The following SHISA8 variants were observed in gnomAD, a reference collection of about 807,000 sequenced individuals.
SHISA8 encodes protein shisa-8.
Under a neutral mutation model 21.1 loss-of-function variants are expected in SHISA8, and 21 were observed. That is an observed-to-expected ratio of 0.99 (90% CI 0.71 to 1.43). The LOEUF is 1.43. SHISA8 is among the 40% of genes most tolerant of loss of function. The probability of loss-of-function intolerance (pLI) is 0.00; values close to 1 mark genes in which losing one functional copy is unlikely to be tolerated. For missense variants in SHISA8, 535 were observed against 599.1 expected (o/e 0.89, Z 1.12); for synonymous variants, 300 against 291.4 (o/e 1.03, Z -0.30).
rs1569418306 is a variant in SHISA8, at chr22:41,914,081, C to T, written c.530+57G>A. On this transcript the variant is annotated intron_variant, in intron 1 of 3. Transcript: ENST00000621082. This position sits in a 1 kb window ranked among gnomAD's most constrained non-coding sequence, Gnocchi z 6.8. ...CTTCGAGAGCGGCGGGAAGGATCAG[C>T]GGGCAGGGAGAGCAGTCCGAGGAGC... is the stretch of plus-strand genomic sequence containing the variant. The T allele has an allele frequency of 1.1e-5, 15 of 1,314,944 alleles. No homozygotes were observed. In the East Asian group the frequency reaches 4.4e-4, roughly 39 times the overall value. The allele number at this position is 1,314,944 out of a possible 1,614,324, so 81.5% of individuals were successfully genotyped here.
Position 41,909,886 on chromosome 22 carries a change from CG to C in SHISA8, c.1072del (p.Arg358GlyfsTer6). The C allele has an allele frequency of 6.5e-7, 1 of 1,527,966 alleles. No homozygotes were observed. 94.7% of individuals were successfully genotyped at this position (1,527,966 alleles called of 1,614,324 possible). A position where few individuals can be genotyped will look rare whatever the true frequency, so the allele number is the denominator to read the frequency against. On this transcript the variant is annotated frameshift_variant, in exon 4 of 4. Coordinates refer to ENST00000621082, the MANE Select transcript of SHISA8 (RefSeq NM_001207020.3). LOFTEE classifies it high-confidence loss of function. ...AGGCATCTTCACACTGAACTGGCGC[CG>C]GGCCGCGTGCCCGGGTCGCCGGGGT... ...QVPRRPGHAARRQFSVKMPET... is the reference protein window; with the variant it reads ...QVPRRPGHAAXRQFSVKMPET...
chr22:41,910,673 C>T lies in SHISA8; in HGVS notation c.665-119G>A, dbSNP rs1453316235. ...GGTGAGAACCTGGGGGACCGTTCTC[C>T]GGGCGAGGCTGCGAGCCAAGCCTGT... On this transcript the variant is annotated intron_variant, in intron 2 of 3. Transcript: ENST00000621082. The surrounding 1 kb of genome is among the most constrained non-coding windows in gnomAD (Gnocchi z 6.8). 13 of 1,134,422 alleles carry T rather than the reference C, an allele frequency of 1.1e-5. No individual in the cohort carries two copies. The highest frequency in any genetic ancestry group is 4.6e-5 in the South Asian group (1 of 21,916). The allele number at this position is 1,134,422 out of a possible 1,614,324, so 70.3% of individuals were successfully genotyped here.
chr22:41,914,068 C>T lies in SHISA8; in HGVS notation c.530+70G>A, dbSNP rs2077568306. On this transcript the variant is annotated intron_variant, in intron 1 of 3. Coordinates refer to ENST00000621082, the MANE Select transcript of SHISA8 (RefSeq NM_001207020.3). This position sits in a 1 kb window ranked among gnomAD's most constrained non-coding sequence, Gnocchi z 6.8. ...GGGAGAACCAGCGCTTCGAGAGCGGCGGGAAGGATCAGCGGGCAGGGAGAG... is the reference window on the plus strand; with the variant it reads ...GGGAGAACCAGCGCTTCGAGAGCGGTGGGAAGGATCAGCGGGCAGGGAGAG... The T allele has an allele frequency of 7.7e-7, 1 of 1,295,832 alleles. No individual in the cohort carries two copies. Among genetic ancestry groups the T allele is most frequent in the East Asian group, 3.2e-5 (1 of 31,254 alleles). The allele number at this position is 1,295,832 out of a possible 1,614,324, so 80.3% of individuals were successfully genotyped here.
Position 41,909,671 on chromosome 22 carries a change from TGGCCTTACGGCA to T in SHISA8, c.*82_*93del. The T allele has an allele frequency of 7.6e-7, 1 of 1,321,978 alleles. No homozygotes were observed. Among genetic ancestry groups the T allele is most frequent in the Non-Finnish European group, 9.6e-7 (1 of 1,037,030 alleles). 81.9% of individuals were successfully genotyped at this position (1,321,978 alleles called of 1,614,324 possible). A position where few individuals can be genotyped will look rare whatever the true frequency, so the allele number is the denominator to read the frequency against. On this transcript the variant is annotated 3_prime_UTR_variant, in exon 4 of 4. Coordinates refer to ENST00000621082, the MANE Select transcript of SHISA8 (RefSeq NM_001207020.3). ...CTGCCGTTGAGGCAGACAGAAGAGC[TGGCCTTACGGCA>T]GGCGCTCCTCTCCCTGTGGCCTGAG...
Position 41,910,172 on chromosome 22 carries a change from T to G in SHISA8, c.812-25A>C. 8.2e-7 allele frequency: 1 copy of G among 1,226,846 alleles called. No homozygotes were observed. Among genetic ancestry groups the G allele is most frequent in the Non-Finnish European group, 1.0e-6 (1 of 987,062 alleles). The allele number at this position is 1,226,846 out of a possible 1,614,324, so 76.0% of individuals were successfully genotyped here. A position where few individuals can be genotyped will look rare whatever the true frequency, so the allele number is the denominator to read the frequency against. On this transcript the variant is annotated intron_variant, in intron 3 of 3. Coordinates refer to ENST00000621082, the MANE Select transcript of SHISA8 (RefSeq NM_001207020.3). This position sits in a 1 kb window ranked among gnomAD's most constrained non-coding sequence, Gnocchi z 6.8. ...TCTGCGGGGACAGGGCAGGGAAGAG[T>G]GACGCCGCGCCGAGCACCCAAGCTC...
In SHISA8 at chr22:41,910,262, G is replaced by A. The variant is rs1368824129; in HGVS notation, c.812-115C>T. 2 of 1,223,768 alleles carry A rather than the reference G, an allele frequency of 1.6e-6. No individual in the cohort carries two copies. The highest frequency in any genetic ancestry group is 6.5e-5 in the East Asian group (2 of 30,602). The allele number at this position is 1,223,768 out of a possible 1,614,324, so 75.8% of individuals were successfully genotyped here. A position where few individuals can be genotyped will look rare whatever the true frequency, so the allele number is the denominator to read the frequency against. ...GACCGGGCCGGGGCGGGCCGGGGGC[G>A]GGGCCCGCTGGGGCGAGGGAGCCGA... On this transcript the variant is annotated intron_variant, in intron 3 of 3. Coordinates refer to ENST00000621082, the MANE Select transcript of SHISA8 (RefSeq NM_001207020.3). This position sits in a 1 kb window ranked among gnomAD's most constrained non-coding sequence, Gnocchi z 6.8.
At position 41,910,106 on chromosome 22, in the gene SHISA8, C is replaced by T; in HGVS notation, c.853G>A (p.Glu285Lys). ...RDFCQRFPALEPSPRQPPARA... is the reference protein window; with the variant it reads ...RDFCQRFPALKPSPRQPPARA... The stretch of plus-strand genomic sequence containing the variant: ...GCCGGGGGTTGCCGCGGGGACGGCT[C>T]GAGGGCGGGGAAACGCTGACAGAAG... Residue 285 changes from glutamate (E) to lysine (K), a missense_variant, in exon 4 of 4, where the codon GAG (glutamate) becomes AAG (lysine). Physicochemically the swap from Glu to Lys is moderately conservative, Grantham distance 56. Transcript: ENST00000621082. This position sits in a 1 kb window ranked among gnomAD's most constrained non-coding sequence, Gnocchi z 6.8. The T allele has an allele frequency of 8.1e-7, 1 of 1,239,148 alleles. No individual in the cohort carries two copies. Among genetic ancestry groups the T allele is most frequent in the Non-Finnish European group, 1.0e-6 (1 of 994,672 alleles). 76.8% of individuals were successfully genotyped at this position (1,239,148 alleles called of 1,614,324 possible).
chr22:41,911,182 C>T, intron 2 of SHISA8, 34 bp downstream of exon 2: 3 of 1,258,594 alleles, frequency 2.4e-6, no homozygotes, highest in Non-Finnish European at 3.0e-6. Context: ...CCGCGTGCTC[C>T]GCCGCCGCTC....
chr22:41,911,777 G>T (rs761968350), intron 1 of SHISA8, among the ~76,000 whole-genome samples: 1 of 151,952 alleles, frequency 6.6e-6, no homozygotes, highest in Non-Finnish European at 1.5e-5. Flanking sequence ...GCAGAGTCTC[G>T]CTCTGTTGTC....
chr22:41,915,000 C>A lies in SHISA8; in HGVS notation c.-333G>T, dbSNP rs1167549793. On this transcript the variant is annotated 5_prime_UTR_variant, in exon 1 of 4. Coordinates refer to ENST00000621082, the MANE Select transcript of SHISA8 (RefSeq NM_001207020.3). The surrounding 1 kb of genome is among the most constrained non-coding windows in gnomAD (Gnocchi z 6.8). ...GCAGGTGTGCGGGTCTTGGCCCTAG[C>A]GGAGGCCGCGCCGGGGCCGCGGGCC... is the stretch of plus-strand genomic sequence containing the variant. Among the ~76,000 whole-genome samples, 1 of 151,710 alleles carries A rather than the reference C, an allele frequency of 6.6e-6. No homozygotes were observed. Among genetic ancestry groups the A allele is most frequent in the African/African-American group, 2.4e-5 (1 of 41,362 alleles).
Position 41,909,550 on chromosome 22 carries a change from C to G in SHISA8, c.*215G>C, listed in dbSNP as rs990420234. ...ACAGTCAGTGACCAATGGTGCCTCG[C>G]AGCCACGCTGGGGCTTCTTTATTCT... On this transcript the variant is annotated 3_prime_UTR_variant, in exon 4 of 4. Transcript: ENST00000621082. The G allele has an allele frequency of 1.8e-6, 1 of 548,786 alleles. No individual in the cohort carries two copies. Among genetic ancestry groups the G allele is most frequent in the Non-Finnish European group, 2.8e-6 (1 of 357,458 alleles). The allele number at this position is 548,786 out of a possible 1,614,324, so 34.0% of individuals were successfully genotyped here. A position where few individuals can be genotyped will look rare whatever the true frequency, so the allele number is the denominator to read the frequency against.
chr22:41,913,290 C>T (rs1192548677), intron 1 of SHISA8, among the ~76,000 whole-genome samples: 2 of 152,234 alleles, frequency 1.3e-5, no homozygotes, highest in Non-Finnish European at 2.9e-5. Context: ...CAGCCTGTCA[C>T]ATTCGGTGTC....
intron 1 of SHISA8, among the ~76,000 whole-genome samples, chr22:41,912,993 G>T (rs1167133846): frequency 6.6e-6 from 1 of 152,220 alleles, no homozygotes; most frequent in Admixed American, 6.5e-5. Flanking sequence ...CATCATGGGG[G>T]ACCCCCAAAT....
chr22:41,912,453 C>T (rs1325942980), intron 1 of SHISA8, among the ~76,000 whole-genome samples: 1 of 152,198 alleles, frequency 6.6e-6, no homozygotes, highest in East Asian at 1.9e-4. Flanking sequence ...GGCTGACCTT[C>T]CTGCCCTGCC....
At chr22:41,911,487 C>T (rs2077553295) in intron 1 of SHISA8, 138 bp from the exon 2 acceptor site, 2 of 961,958 alleles carry the variant, frequency 2.1e-6, no homozygotes, top group Non-Finnish European at 2.7e-6. Flanking sequence ...CTCGAAATCA[C>T]GCACGAGTTT....
At chr22:41,913,855 G>A (rs1253112919) in intron 1 of SHISA8, among the ~76,000 whole-genome samples, 1 of 152,088 alleles carries the variant, frequency 6.6e-6, no homozygotes, top group African/African-American at 2.4e-5. Flanking sequence ...AAGGCTACCT[G>A]TCCCCCTCCC....
chr22:41,911,473 G>A (rs561690219), intron 1 of SHISA8, 124 bp from the exon 2 acceptor site: 8 of 1,085,530 alleles, frequency 7.4e-6, no homozygotes, highest in Non-Finnish European at 9.4e-6. Context: ...CGTCCTCTCC[G>A]GTGCTCGAAA....
Position 41,911,239 on chromosome 22 carries a change from CG to C in SHISA8, c.640del (p.Arg214GlyfsTer37). On this transcript the variant is annotated frameshift_variant, in exon 2 of 4. Transcript: ENST00000621082. LOFTEE classifies it high-confidence loss of function. ...ACCTGCGCTGTTGTGGGGGGAGCCC[CG>C]GGGGAGGCCGTCCCCCATCTGCACC... ...VQVQMGDGLP[R>X]GSPHNSADKK... The C allele has an allele frequency of 3.1e-6, 4 of 1,279,964 alleles. No individual in the cohort carries two copies. The highest frequency in any genetic ancestry group is 4.0e-5 in the Admixed American group (1 of 25,136). The allele number at this position is 1,279,964 out of a possible 1,614,324, so 79.3% of individuals were successfully genotyped here. A position where few individuals can be genotyped will look rare whatever the true frequency, so the allele number is the denominator to read the frequency against.
intron 1 of SHISA8, among the ~76,000 whole-genome samples, chr22:41,913,713 G>C (rs951039318): frequency 6.6e-6 from 1 of 152,108 alleles, no homozygotes; most frequent in Non-Finnish European, 1.5e-5. Context: ...AGGGGAGGGA[G>C]GAGTGGGGAG....
Sources: gnomAD v4.1 joint callset for allele counts (sites outside exome capture counted in the v4.1 genomes callset) on GRCh38, gnomAD v4.1.1 for gene constraint, Gnocchi (gnomAD v3.1) non-coding constraint, MANE v1.5 for transcripts, NCBI Gene and HGNC (gene_info 2026-07-23, HGNC 2026-07-21) for gene names.